The following OTUD4 variants were observed in gnomAD, a reference collection of about 807,000 sequenced individuals.
The protein encoded by OTUD4 is OTU domain-containing protein 4.
Under a neutral mutation model 130.4 loss-of-function variants are expected in OTUD4, and 24 were observed. The observed-to-expected ratio is 0.18, with a 90% confidence interval of 0.13 to 0.26. The LOEUF (loss-of-function observed/expected upper bound fraction) is 0.26. OTUD4 is among the 10% of genes least tolerant of loss of function. The pLI, the probability that OTUD4 is intolerant of heterozygous loss-of-function variation, is 1.00. For missense variants in OTUD4, 1,031 were observed against 1,329.4 expected (o/e 0.78, Z 3.49); for synonymous variants, 420 against 472.5 (o/e 0.89, Z 1.44).
rs1752591660 is a variant in OTUD4 at position 145,179,596 on chromosome 4, G to A, written c.159+219C>T. On this transcript the variant is annotated intron_variant, in intron 1 of 20. Transcript: ENST00000447906. ...CTCATTACCTCTTCATCAGGAGAGA[G>A]ACACCCCGTTAATTTGCGGGCTTTC... 3.6e-6 allele frequency: 5 copies of A among 1,379,162 alleles called. No individual in the cohort carries two copies. In the East Asian group the frequency reaches 1.2e-4, roughly 33 times the overall value. The allele number at this position is 1,379,162 out of a possible 1,614,324, so 85.4% of individuals were successfully genotyped here.
chr4:145,157,155 C>G (rs1751332970), intron 7 of OTUD4, among the ~76,000 whole-genome samples: 1 of 151,858 alleles, frequency 6.6e-6, no homozygotes, highest in South Asian at 2.1e-4. Context: ...CAGATAAAAA[C>G]TAAATAAGTA....
At position 145,135,490 on chromosome 4, in the gene OTUD4, G is replaced by A. The variant is rs890799400; in HGVS notation, c.*1940C>T. 2 of 152,146 alleles carry A rather than the reference G, an allele frequency of 1.3e-5. No homozygotes were observed. The highest frequency in any genetic ancestry group is 4.8e-5 in the African/African-American group (2 of 41,444). The allele number at this position is 152,146 out of a possible 1,614,324, so 9.4% of individuals were successfully genotyped here. On this transcript the variant is annotated 3_prime_UTR_variant, in exon 21 of 21. Transcript: ENST00000447906. The stretch of plus-strand genomic sequence containing the variant: ...AAAATGTGATTTTCATTAAAATCAG[G>A]TAAGCTAGTCCTACATAAAAAAGCA...
At position 145,138,015 on chromosome 4, in the gene OTUD4, T is replaced by C. The variant is rs755853813; in HGVS notation, c.2760A>G (p.Val920=). 6.2e-7 allele frequency: 1 copy of C among 1,614,060 alleles called. No homozygotes were observed. Among genetic ancestry groups the C allele is most frequent in the South Asian group, 1.1e-5 (1 of 91,080 alleles). The change falls in exon 21 of 21, where the codon GTA becomes GTG. Residue 920 remains valine, a synonymous_variant. Coordinates refer to ENST00000447906, the MANE Select transcript of OTUD4 (RefSeq NM_001366057.1). ...TCACACTTGCTTCAGGGAGAGAATGTACATGTTCACCCCTGGCTTCTGGAA... is the reference window on the plus strand; with the variant it reads ...TCACACTTGCTTCAGGGAGAGAATGCACATGTTCACCCCTGGCTTCTGGAA... ...DEFPEARGEH[V]HSLPEASVSS... is the part of the protein sequence containing the mutation.
At chr4:145,174,545 G>T in intron 2 of OTUD4, 116 bp downstream of exon 2, 9 of 618,044 alleles carry the variant, frequency 1.5e-5, no homozygotes, top group Admixed American at 2.7e-5. Flanking sequence ...TTTAATAAGT[G>T]TTATTTTCAT....
chr4:145,152,700 T>C (rs776647597), intron 10 of OTUD4, 65 bp from the exon 11 acceptor site: 5 of 885,894 alleles, frequency 5.6e-6, no homozygotes, highest in Non-Finnish European at 5.4e-6. Context: ...TTGCATTACT[T>C]ATCAGTTTTT....
intron 7 of OTUD4, among the ~76,000 whole-genome samples, chr4:145,157,121 A>C (rs1367540223): frequency 6.6e-6 from 1 of 152,220 alleles, no homozygotes; most frequent in Non-Finnish European, 1.5e-5. Flanking sequence ...CTCCGCCTAC[A>C]TGAAATGTAC....
intron 13 of OTUD4, among the ~76,000 whole-genome samples, chr4:145,146,857 TAAGTA>T (rs1450241411): frequency 1.3e-5 from 2 of 152,218 alleles, no homozygotes; most frequent in East Asian, 3.8e-4. Context: ...CTTTCTGTTC[TAAGTA>T]AAGGGGAATG....
chr4:145,159,027 A>T, intron 7 of OTUD4: 1 of 303,542 alleles, frequency 3.3e-6, no homozygotes, highest in Non-Finnish European at 4.9e-6. Flanking sequence ...ATATTTACTC[A>T]CAACCTACAC....
intron 13 of OTUD4, among the ~76,000 whole-genome samples, chr4:145,148,148 A>T (rs1750906273): frequency 6.6e-6 from 1 of 152,216 alleles, no homozygotes. Context: ...ACATATAGCT[A>T]ACACATAAAA....
chr4:145,179,793 CTCCCCG>C lies in OTUD4; in HGVS notation c.159+16_159+21del. 1 of 1,461,510 alleles carries C rather than the reference CTCCCCG, an allele frequency of 6.8e-7. No homozygotes were observed. Among genetic ancestry groups the C allele is most frequent in the South Asian group, 1.2e-5 (1 of 80,240 alleles). The allele number at this position is 1,461,510 out of a possible 1,614,324, so 90.5% of individuals were successfully genotyped here. ...GCCGTCCCCGCCTCCCCTCGAAGCC[CTCCCCG>C]CCCCCCCGCAATTACCTGCTCCGCC... On this transcript the variant is annotated intron_variant, in intron 1 of 20. Transcript: ENST00000447906.
At chr4:145,167,774 C>T (rs914695626) in intron 3 of OTUD4, among the ~76,000 whole-genome samples, 6 of 152,054 alleles carry the variant, frequency 3.9e-5, no homozygotes, top group African/African-American at 1.4e-4. Flanking sequence ...AGGAGAATTG[C>T]TTGAACCCAG....
At chr4:145,140,018 A>G in intron 19 of OTUD4, 27 bp from the exon 20 acceptor site, 1 of 687,470 alleles carries the variant, frequency 1.5e-6, no homozygotes, top group Non-Finnish European at 2.4e-6. Context: ...TCACTTGTTA[A>G]AATTATATAT....
At chr4:145,170,188 G>A (rs1752087132) in intron 3 of OTUD4, among the ~76,000 whole-genome samples, 1 of 152,204 alleles carries the variant, frequency 6.6e-6, no homozygotes, top group African/African-American at 2.4e-5. Flanking sequence ...ATTTTCACAT[G>A]CACATCAAGT....
intron 15 of OTUD4, 77 bp downstream of exon 15, chr4:145,144,234 T>C: frequency 2.7e-6 from 4 of 1,489,314 alleles, no homozygotes; most frequent in South Asian, 2.5e-5. Context: ...AAAAGGGTTC[T>C]TTCCCAAATA....
intron 13 of OTUD4, among the ~76,000 whole-genome samples, chr4:145,147,945 G>A (rs1423393674): frequency 6.6e-6 from 1 of 152,110 alleles, no homozygotes; most frequent in African/African-American, 2.4e-5. Context: ...GTTTTTAAAT[G>A]TTTTAATACA....
At chr4:145,156,685 A>C (rs888909810) in intron 7 of OTUD4, among the ~76,000 whole-genome samples, 6 of 147,802 alleles carry the variant, frequency 4.1e-5, no homozygotes, top group African/African-American at 1.5e-4. Context: ...CTCCGTCTCA[A>C]AAAAAAAAAA....
chr4:145,137,806 T>C lies in OTUD4; in HGVS notation c.2969A>G (p.Glu990Gly), dbSNP rs746738547. 4.2e-5 allele frequency: 68 copies of C among 1,613,992 alleles called. No individual in the cohort carries two copies. Among genetic ancestry groups the C allele is most frequent in the Middle Eastern group, 1.6e-4 (1 of 6,084 alleles). ...AGGATCTTTTACTTTTTCTGTTTTT[T>C]CTTTCAGGCTTTGAATGGTCCTTTT... ...EPKRTIQSLK[E>G]KTEKVKDPKT... Residue 990 changes from glutamate (E) to glycine (G), a missense_variant, in exon 21 of 21, where the codon GAA becomes GGA. This residue lies in a region of OTUD4 where 900 missense variants were observed against 1,095.9 expected (regional missense o/e 0.82). Transcript: ENST00000447906.
chr4:145,167,834 C>A (rs1457939007), intron 3 of OTUD4, among the ~76,000 whole-genome samples: 1 of 151,484 alleles, frequency 6.6e-6, no homozygotes, highest in Non-Finnish European at 1.5e-5. Context: ...CTCCAGCCTG[C>A]GTATTAAGAG....
intron 13 of OTUD4, among the ~76,000 whole-genome samples, chr4:145,149,341 C>A (rs1181802269): frequency 6.6e-6 from 1 of 152,070 alleles, no homozygotes; most frequent in Non-Finnish European, 1.5e-5. Flanking sequence ...ATGGCCCTGG[C>A]AACAACTTGA....
Sources: gnomAD v4.1 joint callset for allele counts (sites outside exome capture counted in the v4.1 genomes callset) on GRCh38, gnomAD v4.1.1 for gene constraint, gnomAD v4.1.1 regional missense constraint, MANE v1.5 for transcripts, NCBI Gene and HGNC (gene_info 2026-07-23, HGNC 2026-07-21) for gene names.